The following NOVA1 variants were observed in gnomAD, a reference collection of about 807,000 sequenced individuals.
NOVA1 encodes the protein RNA-binding protein Nova-1.
A neutral mutation model predicts 38.0 loss-of-function variants in NOVA1; 7 were observed. The observed-to-expected ratio is 0.18, with a 90% CI of 0.10 to 0.35. The LOEUF is 0.35. NOVA1 is among the 10% of genes least tolerant of loss of function. The probability of loss-of-function intolerance (pLI) is 1.00; values close to 1 mark genes in which losing one functional copy is unlikely to be tolerated. For synonymous variants in NOVA1, 270 were observed against 232.5 expected (o/e 1.16, Z -1.47); for missense variants, 460 against 616.0 (o/e 0.75, Z 2.68).
At chr14:26,588,816 C>T (rs1893681711) in intron 2 of NOVA1, among the ~76,000 whole-genome samples, 2 of 150,126 alleles carry the variant, frequency 1.3e-5, no homozygotes, top group South Asian at 4.1e-4. Context: ...AATCTCTTGA[C>T]CTCTAGATAG....
intron 2 of NOVA1, among the ~76,000 whole-genome samples, chr14:26,560,601 A>G (rs1237105765): frequency 6.6e-6 from 1 of 152,194 alleles, no homozygotes; most frequent in East Asian, 1.9e-4. Flanking sequence ...TGGTAGTTGT[A>G]AGGACAGACT....
At chr14:26,564,730 T>C (rs891003104) in intron 2 of NOVA1, among the ~76,000 whole-genome samples, 21 of 152,150 alleles carry the variant, frequency 1.4e-4, no homozygotes, top group African/African-American at 4.8e-4. Context: ...TCAAAACCTT[T>C]GAAATTGGCA....
At chr14:26,587,641 G>C (rs769488502) in intron 2 of NOVA1, among the ~76,000 whole-genome samples, 20 of 151,214 alleles carry the variant, frequency 1.3e-4, no homozygotes, top group Non-Finnish European at 2.7e-4. Context: ...CTAAGTATGT[G>C]AATGAGCTCT....
chr14:26,531,559 A>C (rs1889715506), intron 2 of NOVA1, among the ~76,000 whole-genome samples: 1 of 152,188 alleles, frequency 6.6e-6, no homozygotes, highest in Non-Finnish European at 1.5e-5. Flanking sequence ...GTGAGCCGAG[A>C]TCGCGCCATT....
At chr14:26,511,005 G>A (rs527516352) in intron 2 of NOVA1, among the ~76,000 whole-genome samples, 4 of 152,102 alleles carry the variant, frequency 2.6e-5, no homozygotes, top group Admixed American at 6.5e-5. Flanking sequence ...TAAACAAGTC[G>A]AAAAGTAATT....
At position 26,457,525 on chromosome 14, in the gene NOVA1, CAT is replaced by C. The variant is rs748281828; in HGVS notation, c.520-8564_520-8563del. 2.0e-3 allele frequency among the ~76,000 whole-genome samples: 299 copies of C among 152,034 alleles called. 2 individuals carry two copies. The highest frequency in any genetic ancestry group is 3.6e-3 in the Non-Finnish European group (246 of 67,976). On this transcript the variant is annotated intron_variant, in intron 4 of 4. Coordinates refer to ENST00000539517, the MANE Select transcript of NOVA1 (RefSeq NM_002515.3). The stretch of plus-strand genomic sequence containing the variant: ...TAATGTCCTATCACAAGGCATTTCT[CAT>C]ATGTTTGTGGTGATGCTGGTGTAAA...
At chr14:26,519,277 A>C (rs1328281822) in intron 2 of NOVA1, 1 of 152,170 alleles carries the variant, frequency 6.6e-6, no homozygotes, top group Non-Finnish European at 1.5e-5. Flanking sequence ...ACAACCTGTG[A>C]ACTAAACTGA....
rs527360403 is a variant in NOVA1, at chr14:26,470,451, C to T, written c.519+1869G>A. The T allele has an allele frequency of 4.7e-5, 73 of 1,560,934 alleles. No homozygotes were observed. The East Asian group carries it at 1.6e-3, about 35-fold the overall frequency. ...ATTACGGATTTTGTTTTGTTCTTCTCTTATATCTTGCTTCATGATATCCAG... is the reference window on the plus strand; with the variant it reads ...ATTACGGATTTTGTTTTGTTCTTCTTTTATATCTTGCTTCATGATATCCAG... On this transcript the variant is annotated intron_variant, in intron 4 of 4. Coordinates refer to ENST00000539517, the MANE Select transcript of NOVA1 (RefSeq NM_002515.3).
intron 3 of NOVA1, among the ~76,000 whole-genome samples, chr14:26,478,271 T>C (rs1032454988): frequency 6.6e-6 from 1 of 151,950 alleles, no homozygotes; most frequent in East Asian, 1.9e-4. Flanking sequence ...CATAGACCAT[T>C]ATTTGGTGGT....
At chr14:26,557,569 C>T (rs1891571380) in intron 2 of NOVA1, among the ~76,000 whole-genome samples, 1 of 145,154 alleles carries the variant, frequency 6.9e-6, no homozygotes, top group South Asian at 2.2e-4. Flanking sequence ...GACGGGGTTT[C>T]GCCATGATGC....
At chr14:26,498,862 A>C (rs1326564205) in intron 2 of NOVA1, among the ~76,000 whole-genome samples, 1 of 152,216 alleles carries the variant, frequency 6.6e-6, no homozygotes, top group Admixed American at 6.5e-5. Context: ...AGCAGATTTA[A>C]AAGGAAGGCA....
chr14:26,550,445 C>G (rs1201707340), intron 2 of NOVA1, among the ~76,000 whole-genome samples: 1 of 152,130 alleles, frequency 6.6e-6, no homozygotes, highest in Non-Finnish European at 1.5e-5. Flanking sequence ...ACCCTAAACA[C>G]AGTCTTCATC....
rs1201278968 is a variant in NOVA1, at chr14:26,444,337, TTAAAG to T, written c.*3617_*3621del. On this transcript the variant is annotated 3_prime_UTR_variant, in exon 5 of 5. Transcript: ENST00000539517. ...TCTTGATAGCACCATTTACACATTC[TTAAAG>T]TAAACATTAATATGCACTTTCTTAG... The T allele has an allele frequency of 1.3e-5, 2 of 152,146 alleles. No homozygotes were observed. Among genetic ancestry groups the T allele is most frequent in the Non-Finnish European group, 2.9e-5 (2 of 68,012 alleles). 9.4% of individuals were successfully genotyped at this position (152,146 alleles called of 1,614,324 possible).
At chr14:26,506,868 C>T (rs1042578778) in intron 2 of NOVA1, among the ~76,000 whole-genome samples, 1 of 152,146 alleles carries the variant, frequency 6.6e-6, no homozygotes, top group Non-Finnish European at 1.5e-5. Context: ...GCATGAGCCA[C>T]CGCGCCAGGC....
chr14:26,462,153 T>G (rs927296076), intron 4 of NOVA1, among the ~76,000 whole-genome samples: 2 of 152,122 alleles, frequency 1.3e-5, no homozygotes, highest in African/African-American at 4.8e-5. Context: ...GTCCCAGGCC[T>G]TCACATTCAC....
At chr14:26,469,618 T>C (rs76803974) in intron 4 of NOVA1, among the ~76,000 whole-genome samples, 1,903 of 152,214 alleles carry the variant, frequency 0.013, 38 homozygotes, top group African/African-American at 0.043. Context: ...AAACTGAGAC[T>C]TAAGGTAACA....
At chr14:26,449,348 A>G (rs1203657529) in intron 4 of NOVA1, among the ~76,000 whole-genome samples, 1 of 152,168 alleles carries the variant, frequency 6.6e-6, no homozygotes, top group Non-Finnish European at 1.5e-5. Flanking sequence ...TAACTTTAAG[A>G]AAATGCTTTG....
chr14:26,577,761 G>C (rs1222966236), intron 2 of NOVA1, among the ~76,000 whole-genome samples: 1 of 152,120 alleles, frequency 6.6e-6, no homozygotes, highest in Non-Finnish European at 1.5e-5. Context: ...TGATCTGAGG[G>C]GGTCAAGAGA....
chr14:26,530,161 G>A (rs886601843), intron 2 of NOVA1, among the ~76,000 whole-genome samples: 9 of 152,248 alleles, frequency 5.9e-5, no homozygotes, highest in East Asian at 3.9e-4. Context: ...CTCATGATCC[G>A]CCTGCCTCGG....
Sources: gnomAD v4.1 joint callset for allele counts (sites outside exome capture counted in the v4.1 genomes callset) on GRCh38, gnomAD v4.1.1 for gene constraint, MANE v1.5 for transcripts, NCBI Gene and HGNC (gene_info 2026-07-23, HGNC 2026-07-21) for gene names.